ZXDC: variants seen among roughly 807,000 people sequenced by gnomAD.
The protein encoded by ZXDC is zinc finger protein ZXDC.
In ZXDC, 58 loss-of-function variants were observed where a neutral mutation model predicts 63.6. The observed-to-expected ratio is 0.91, with a 90% CI of 0.74 to 1.13. ZXDC has a LOEUF of 1.13. Ranked by LOEUF, ZXDC falls within the 50% of genes most tolerant of loss-of-function variation. ZXDC has a pLI of 0.00. For synonymous variants in ZXDC, 561 were observed against 496.1 expected (o/e 1.13, Z -1.74); for missense variants, 1,133 against 1,148.9 (o/e 0.99, Z 0.20).
intron 4 of ZXDC, among the ~76,000 whole-genome samples, chr3:126,470,338 ACGC>A (rs1190664475): frequency 1.3e-5 from 2 of 152,152 alleles, no homozygotes; most frequent in Non-Finnish European, 2.9e-5. Context: ...GTGGTGGCAT[ACGC>A]CTGTAGTCCC....
intron 7 of ZXDC, among the ~76,000 whole-genome samples, chr3:126,447,001 T>C (rs1933907320): frequency 6.6e-6 from 1 of 152,220 alleles, no homozygotes; most frequent in Admixed American, 6.5e-5. Flanking sequence ...CTGTGCTGAG[T>C]GCTCACCCTT....
At chr3:126,460,885 T>G in intron 6 of ZXDC, 1 of 985,398 alleles carries the variant, frequency 1.0e-6, no homozygotes, top group Non-Finnish European at 1.2e-6. Context: ...AAATTTAGCC[T>G]GTGCCACAAA....
At chr3:126,441,580 A>G (rs1394408510) in intron 8 of ZXDC, 185 bp downstream of exon 8, 5 of 1,328,190 alleles carry the variant, frequency 3.8e-6, no homozygotes, top group Non-Finnish European at 4.8e-6. Context: ...ACAGGCTGGG[A>G]AAAAGGGAGG....
intron 6 of ZXDC, 94 bp from the exon 7 acceptor site, chr3:126,459,831 C>T: frequency 6.3e-7 from 1 of 1,597,288 alleles, no homozygotes; most frequent in Admixed American, 1.7e-5. Context: ...GCTTCTGGGA[C>T]ATATCCGAGC....
chr3:126,441,229 G>T, intron 8 of ZXDC: 1 of 985,802 alleles, frequency 1.0e-6, no homozygotes, highest in Non-Finnish European at 1.2e-6. Context: ...AGGCTGGGAG[G>T]GGCCTGGGCC....
intron 7 of ZXDC, among the ~76,000 whole-genome samples, chr3:126,448,770 G>A (rs780398278): frequency 5.9e-5 from 9 of 152,232 alleles, no homozygotes; most frequent in Non-Finnish European, 1.3e-4. Context: ...GACGGCCATC[G>A]CCATGAAACT....
chr3:126,454,184 C>G lies in ZXDC; in HGVS notation c.2212+5469G>C, dbSNP rs182327190. 4.1e-6 allele frequency: 4 copies of G among 979,316 alleles called. No homozygotes were observed. In the Admixed American group the frequency reaches 2.5e-4, roughly 60 times the overall value. The allele number at this position is 979,316 out of a possible 1,614,324, so 60.7% of individuals were successfully genotyped here. On this transcript the variant is annotated intron_variant, in intron 7 of 9. Coordinates refer to ENST00000389709, the MANE Select transcript of ZXDC (RefSeq NM_025112.5). ...TCTGTTAAATCAACTTTATTAATCCCATTTTAAATATCTTTCATATGCTTA... is the reference window on the plus strand; with the variant it reads ...TCTGTTAAATCAACTTTATTAATCCGATTTTAAATATCTTTCATATGCTTA...
chr3:126,461,109 T>A (rs1284554951), intron 6 of ZXDC: 5 of 987,320 alleles, frequency 5.1e-6, no homozygotes, highest in Admixed American at 6.1e-5. Flanking sequence ...TAATTCTAAT[T>A]TTAAAAAAGA....
intron 7 of ZXDC, chr3:126,454,238 C>T (rs1022670847): frequency 4.1e-6 from 4 of 984,582 alleles, no homozygotes; most frequent in Non-Finnish European, 4.8e-6. Flanking sequence ...AAATAATGAA[C>T]TAATCACTTT....
rs1935208446 is a variant in ZXDC, at chr3:126,475,872, C to G, written c.-7G>C. 2.8e-6 allele frequency: 3 copies of G among 1,075,432 alleles called. No homozygotes were observed. Among genetic ancestry groups the G allele is most frequent in the Middle Eastern group, 4.1e-4 (1 of 2,466 alleles). 66.6% of individuals were successfully genotyped at this position (1,075,432 alleles called of 1,614,324 possible). A position where few individuals can be genotyped will look rare whatever the true frequency, so the allele number is the denominator to read the frequency against. ...GCAGCGCCGGGAGGTCCATCTTGGTCCCAGCGACGGCGTCGGAGCAGCTTC... is the reference window on the plus strand; with the variant it reads ...GCAGCGCCGGGAGGTCCATCTTGGTGCCAGCGACGGCGTCGGAGCAGCTTC... On this transcript the variant is annotated 5_prime_UTR_variant, in exon 1 of 10. Transcript: ENST00000389709.
chr3:126,460,996 T>C, intron 6 of ZXDC: 1 of 976,402 alleles, frequency 1.0e-6, no homozygotes, highest in Non-Finnish European at 1.2e-6. Flanking sequence ...AATGTATAAT[T>C]GATATAAAGT....
At chr3:126,453,347 C>A in intron 7 of ZXDC, 2 of 985,394 alleles carry the variant, frequency 2.0e-6, no homozygotes, top group Non-Finnish European at 2.4e-6. Context: ...GATATGTTTT[C>A]TTTGGCCCAT....
At chr3:126,438,502 G>T (rs868608967) in intron 9 of ZXDC, 41 bp from the exon 10 acceptor site, 1 of 1,566,464 alleles carries the variant, frequency 6.4e-7, no homozygotes, top group Non-Finnish European at 8.7e-7. Flanking sequence ...AGGAGGGAGG[G>T]GAGGCAGAGG....
At chr3:126,471,825 C>T (rs1342335569) in intron 3 of ZXDC, 148 bp downstream of exon 3, 15 of 614,454 alleles carry the variant, frequency 2.4e-5, no homozygotes, top group Non-Finnish European at 3.8e-5. Flanking sequence ...TTTCTTTTTA[C>T]AGTTTTCTGA....
chr3:126,440,164 G>A (rs903683447), intron 8 of ZXDC: 4 of 1,006,398 alleles, frequency 4.0e-6, no homozygotes, highest in African/African-American at 3.5e-5. Context: ...CCAGCTGGAA[G>A]GACCAGGGCA....
At chr3:126,452,162 C>T (rs545508174) in intron 7 of ZXDC, 11 of 985,422 alleles carry the variant, frequency 1.1e-5, no homozygotes, top group South Asian at 4.7e-5. Context: ...GGCTCTGCCA[C>T]GCAGCCCCAG....
chr3:126,443,601 A>T (rs1227270929), intron 7 of ZXDC, among the ~76,000 whole-genome samples: 1 of 152,208 alleles, frequency 6.6e-6, no homozygotes, highest in Non-Finnish European at 1.5e-5. Flanking sequence ...ACAAACCTTC[A>T]ATTTGTAAAA....
At position 126,475,664 on chromosome 3, in the gene ZXDC, C is replaced by A. The variant is rs763028690; in HGVS notation, c.202G>T (p.Asp68Tyr). 1.7e-5 allele frequency: 25 copies of A among 1,431,066 alleles called. No homozygotes were observed. The highest frequency in any genetic ancestry group is 2.0e-4 in the Middle Eastern group (1 of 5,072). 88.6% of individuals were successfully genotyped at this position (1,431,066 alleles called of 1,614,324 possible). The change falls in exon 1 of 10, where the codon GAC becomes TAC. Residue 68 changes from aspartate (D) to tyrosine (Y), a missense_variant. Asp to Tyr is a radical substitution (Grantham distance 160). Coordinates refer to ENST00000389709, the MANE Select transcript of ZXDC (RefSeq NM_025112.5). ...AAGAAAGAGTCGCCGTCGCTGTCGT[C>A]CTCGGCGGGCGGCGGGCTTGGCCCG... is the stretch of plus-strand genomic sequence containing the variant. Reference protein sequence around the residue: ...ASGPSPPPAEDDSDGDSFLVL... With the variant: ...ASGPSPPPAEYDSDGDSFLVL...
chr3:126,456,011 A>T (rs1042362404), intron 7 of ZXDC, among the ~76,000 whole-genome samples: 1 of 151,336 alleles, frequency 6.6e-6, no homozygotes, highest in Non-Finnish European at 1.5e-5. Flanking sequence ...AAAAAAAACA[A>T]AAAAAAAAGA....
Sources: allele counts gnomAD v4.1 joint callset (sites outside exome capture counted in the v4.1 genomes callset), GRCh38; gene constraint gnomAD v4.1.1; transcripts MANE v1.5; gene names NCBI Gene and HGNC (gene_info 2026-07-23, HGNC 2026-07-21).